The following SHANK2 variants were observed in gnomAD, a reference collection of about 807,000 sequenced individuals.
SHANK2 encodes the protein SH3 and multiple ankyrin repeat domains 2.
A neutral mutation model predicts 133.7 loss-of-function variants in SHANK2; 43 were observed. That is an observed-to-expected ratio of 0.32 (90% CI 0.25 to 0.41). The LOEUF (loss-of-function observed/expected upper bound fraction) is 0.41. Among genes scored for constraint, SHANK2 ranks in the 10% least tolerant of loss-of-function variants. The probability of loss-of-function intolerance (pLI) is 1.00; values close to 1 mark genes in which losing one functional copy is unlikely to be tolerated. For synonymous variants in SHANK2, 1,017 were observed against 952.8 expected, an observed-to-expected ratio of 1.07 and a Z score of -1.24; for missense variants, 1,994 against 2,235.8, an observed-to-expected ratio of 0.89 and a Z score of 2.18.
chr11:70,578,425 G>A (rs1434925746), intron 17 of SHANK2, among the ~76,000 whole-genome samples: 4 of 152,214 alleles, frequency 2.6e-5, no homozygotes, highest in East Asian at 1.9e-4. Context: ...CACAGAAGGC[G>A]AGGTCTCAGG....
At chr11:70,616,174 A>G (rs1473538700) in intron 17 of SHANK2, among the ~76,000 whole-genome samples, 1 of 152,118 alleles carries the variant, frequency 6.6e-6, no homozygotes, top group Non-Finnish European at 1.5e-5. Flanking sequence ...TAAGAGTTCA[A>G]TATTTGCTAG....
At chr11:71,239,647 C>G (rs1954864469) in intron 1 of SHANK2, among the ~76,000 whole-genome samples, 1 of 151,910 alleles carries the variant, frequency 6.6e-6, no homozygotes, top group Non-Finnish European at 1.5e-5. Context: ...TTTGTTTTGT[C>G]TTGTTTTCTA....
chr11:70,943,440 G>A (rs1950675103), intron 10 of SHANK2, among the ~76,000 whole-genome samples: 1 of 152,136 alleles, frequency 6.6e-6, no homozygotes, highest in Non-Finnish European at 1.5e-5. Context: ...TAGGGCTCTG[G>A]CCAGGCTGCT....
intron 17 of SHANK2, among the ~76,000 whole-genome samples, chr11:70,589,794 G>T (rs76179217): frequency 1.3e-5 from 2 of 152,182 alleles, no homozygotes; most frequent in African/African-American, 2.4e-5. Flanking sequence ...CCTCATGGAT[G>T]GCTTTGAGGG....
intron 1 of SHANK2, among the ~76,000 whole-genome samples, chr11:71,249,532 C>T (rs1014308309): frequency 4.6e-5 from 7 of 152,168 alleles, no homozygotes; most frequent in Non-Finnish European, 8.8e-5. Flanking sequence ...GTGAAAGCTC[C>T]GGCTTGAGTT....
At chr11:70,744,329 C>T (rs1555035446) in intron 14 of SHANK2, among the ~76,000 whole-genome samples, 1 of 152,188 alleles carries the variant, frequency 6.6e-6, no homozygotes, top group East Asian at 1.9e-4. Flanking sequence ...CTGGTCACAC[C>T]CTGCAGCAAG....
chr11:70,643,782 AAGAC>A (rs1469678004), intron 17 of SHANK2, among the ~76,000 whole-genome samples: 7 of 152,274 alleles, frequency 4.6e-5, no homozygotes, highest in Non-Finnish European at 7.4e-5. Context: ...GTGAGCAAGA[AAGAC>A]AGTCTTTGCT....
chr11:71,139,237 A>G (rs1182994025), intron 3 of SHANK2, among the ~76,000 whole-genome samples: 1 of 151,728 alleles, frequency 6.6e-6, no homozygotes, highest in Non-Finnish European at 1.5e-5. Flanking sequence ...GGCCTCAGGG[A>G]GAGGCGGATG....
chr11:71,208,051 A>G (rs962117448), intron 2 of SHANK2, among the ~76,000 whole-genome samples: 12 of 152,112 alleles, frequency 7.9e-5, no homozygotes, highest in Non-Finnish European at 1.5e-4. Flanking sequence ...GGGCCTTAAG[A>G]CACCTAAAAC....
At chr11:70,530,647 T>C (rs1421954366) in intron 17 of SHANK2, among the ~76,000 whole-genome samples, 1 of 152,114 alleles carries the variant, frequency 6.6e-6, no homozygotes, top group Non-Finnish European at 1.5e-5. Context: ...GGACTAATAC[T>C]GTGTGATTCC....
intron 14 of SHANK2, among the ~76,000 whole-genome samples, chr11:70,734,357 G>C (rs1425309591): frequency 2.6e-5 from 4 of 152,210 alleles, no homozygotes; most frequent in Non-Finnish European, 5.9e-5. Flanking sequence ...GTGTGTGAAG[G>C]TGACTTCAAA....
At chr11:70,620,640 C>T (rs1554997391) in intron 17 of SHANK2, among the ~76,000 whole-genome samples, 1 of 152,138 alleles carries the variant, frequency 6.6e-6, no homozygotes, top group African/African-American at 2.4e-5. Context: ...TCTGTATCCC[C>T]CCAAGTTCCT....
intron 11 of SHANK2, chr11:70,863,686 G>A (rs1417441497): frequency 2.4e-6 from 1 of 420,714 alleles, no homozygotes; most frequent in Admixed American, 2.6e-5. Flanking sequence ...ATGGGGAAGA[G>A]GCACTGGCAC....
chr11:70,711,914 C>T (rs184351310), intron 14 of SHANK2, among the ~76,000 whole-genome samples: 54 of 152,316 alleles, frequency 3.5e-4, no homozygotes, highest in Admixed American at 3.1e-3. Flanking sequence ...TCACAGCACA[C>T]GGACCTCGTG....
chr11:71,237,044 GTCT>G (rs1196551374), intron 1 of SHANK2, among the ~76,000 whole-genome samples: 1 of 152,338 alleles, frequency 6.6e-6, no homozygotes, highest in African/African-American at 2.4e-5. Context: ...ATTTTGGGAA[GTCT>G]TCTCCCACAG....
At chr11:70,558,160 C>A (rs1554980031) in intron 17 of SHANK2, among the ~76,000 whole-genome samples, 1 of 152,138 alleles carries the variant, frequency 6.6e-6, no homozygotes, top group East Asian at 1.9e-4. Flanking sequence ...CGGAGAGGTT[C>A]TTTCTATCTG....
intron 2 of SHANK2, among the ~76,000 whole-genome samples, chr11:71,184,659 T>TG (rs1953635784): frequency 6.6e-6 from 1 of 152,208 alleles, no homozygotes; most frequent in African/African-American, 2.4e-5. Flanking sequence ...TACTGACCCA[T>TG]GGGCAGCTGC....
At chr11:70,849,600 A>T (rs996748110) in intron 11 of SHANK2, among the ~76,000 whole-genome samples, 6 of 152,194 alleles carry the variant, frequency 3.9e-5, no homozygotes, top group Admixed American at 3.9e-4. Context: ...TCACTGTGTG[A>T]GAACATAACA....
chr11:70,816,761 T>C (rs1389345124), intron 12 of SHANK2, among the ~76,000 whole-genome samples: 1 of 152,206 alleles, frequency 6.6e-6, no homozygotes, highest in Non-Finnish European at 1.5e-5. Context: ...GCTGGCCGAA[T>C]GAGCGTTTCC....
Sources: allele counts gnomAD v4.1 joint callset (sites outside exome capture counted in the v4.1 genomes callset), GRCh38; gene constraint gnomAD v4.1.1; transcripts MANE v1.5; gene names NCBI Gene and HGNC (gene_info 2026-07-23, HGNC 2026-07-21).